The following PCOLCE2 variants were observed in gnomAD, a reference collection of about 807,000 sequenced individuals.
The protein encoded by PCOLCE2 is procollagen C-proteinase enhancer 2.
In PCOLCE2, 42 loss-of-function variants were observed where a neutral mutation model predicts 47.0. That is an observed-to-expected ratio of 0.89 (90% CI 0.70 to 1.16). PCOLCE2 has a LOEUF of 1.16. PCOLCE2 is among the 50% of genes most tolerant of loss of function. PCOLCE2 has a pLI of 0.00. For missense variants in PCOLCE2, 500 were observed against 526.1 expected (o/e 0.95, Z 0.49); for synonymous variants, 169 against 191.7 (o/e 0.88, Z 0.98).
chr3:142,838,780 T>A lies in PCOLCE2; in HGVS notation c.700A>T (p.Ser234Cys), dbSNP rs1368081860. ...ARRIGKYCGDSPPAPIVSERN... is the reference protein window; with the variant it reads ...ARRIGKYCGDCPPAPIVSERN... ...ATAGGTGCTACTTACGCAGGTGGACTATCACCACAATACTTTCCAATTCTT... is the reference window on the plus strand; with the variant it reads ...ATAGGTGCTACTTACGCAGGTGGACAATCACCACAATACTTTCCAATTCTT... The change falls in exon 5 of 9, where the codon AGT becomes TGT. Residue 234 changes from serine to cysteine, a missense_variant. Coordinates refer to ENST00000295992, the MANE Select transcript of PCOLCE2 (RefSeq NM_013363.4). 6.2e-7 allele frequency: 1 copy of A among 1,613,488 alleles called. No individual in the cohort carries two copies. The highest frequency in any genetic ancestry group is 1.7e-5 in the Admixed American group (1 of 59,972).
At chr3:142,867,996 G>A (rs1414065816) in intron 2 of PCOLCE2, among the ~76,000 whole-genome samples, 1 of 152,174 alleles carries the variant, frequency 6.6e-6, no homozygotes, top group Non-Finnish European at 1.5e-5. Flanking sequence ...AAATGAAATG[G>A]TTATAAACTC....
chr3:142,851,955 G>T (rs1366491183), intron 2 of PCOLCE2, among the ~76,000 whole-genome samples: 8 of 152,100 alleles, frequency 5.3e-5, no homozygotes, highest in Admixed American at 5.2e-4. Flanking sequence ...CAAAAGTTTT[G>T]TACCTGTTCC....
rs775437977 is a variant in PCOLCE2, at chr3:142,873,848, A to T, written c.192+13821T>A. ...AACGCAACTAGAGACATAGCAGGGG[A>T]GGACACAGGAAGAGAACATCTTTTT... On this transcript the variant is annotated intron_variant, in intron 2 of 8. Transcript: ENST00000295992. Among the ~76,000 whole-genome samples the T allele has an allele frequency of 5.2e-4, 79 of 152,352 alleles. 2 individuals carry two copies. Among genetic ancestry groups the T allele is most frequent in the Middle Eastern group, 3.4e-3 (1 of 294 alleles).
In PCOLCE2 at chr3:142,851,414, G is replaced by C. The variant is rs1282486009; in HGVS notation, c.193-2942C>G. ...GCAGTAGGGGAGAGTGGTGAGGTTT[G>C]CCAAGGGAGGATATGGCAGGAGAGA... On this transcript the variant is annotated intron_variant, in intron 2 of 8. Coordinates refer to ENST00000295992, the MANE Select transcript of PCOLCE2 (RefSeq NM_013363.4). 3.3e-5 allele frequency among the ~76,000 whole-genome samples: 5 copies of C among 152,276 alleles called. No individual in the cohort carries two copies. The East Asian group carries it at 9.7e-4, about 29-fold the overall frequency.
intron 2 of PCOLCE2, among the ~76,000 whole-genome samples, chr3:142,871,628 G>A (rs1223113644): frequency 1.3e-5 from 2 of 152,194 alleles, no homozygotes; most frequent in East Asian, 3.9e-4. Flanking sequence ...GAACAAAACT[G>A]AGGTTTCCCT....
chr3:142,823,484 G>T, intron 7 of PCOLCE2, 48 bp downstream of exon 7: 2 of 1,083,440 alleles, frequency 1.8e-6, no homozygotes, highest in Non-Finnish European at 2.8e-6. Context: ...TAAGCATGCA[G>T]CCTCAAGTTT....
At chr3:142,853,415 CATGTTATAAAG>C (rs1426296651) in intron 2 of PCOLCE2, among the ~76,000 whole-genome samples, 3 of 152,184 alleles carry the variant, frequency 2.0e-5, no homozygotes, top group African/African-American at 7.2e-5. Context: ...CCACTCACTG[CATGTTATAAAG>C]CTCAACCTCG....
At chr3:142,870,888 T>C (rs1285256994) in intron 2 of PCOLCE2, among the ~76,000 whole-genome samples, 2 of 152,280 alleles carry the variant, frequency 1.3e-5, no homozygotes, top group East Asian at 3.9e-4. Flanking sequence ...CCAATTTTTG[T>C]TACATCCTAA....
At chr3:142,823,440 CT>C in intron 7 of PCOLCE2, 91 bp downstream of exon 7, 1 of 764,682 alleles carries the variant, frequency 1.3e-6, no homozygotes, top group Non-Finnish European at 2.3e-6. Flanking sequence ...GTTATTGACC[CT>C]TCACCATAAA....
intron 6 of PCOLCE2, among the ~76,000 whole-genome samples, chr3:142,826,111 T>G (rs372337898): frequency 1.3e-5 from 2 of 151,732 alleles, no homozygotes; most frequent in East Asian, 3.9e-4. Context: ...TCCACGCCAT[T>G]CTCCTGCCTC....
intron 2 of PCOLCE2, chr3:142,864,627 T>C (rs550685985): frequency 3.3e-5 from 5 of 152,374 alleles, no homozygotes; most frequent in Admixed American, 1.3e-4. Context: ...AATATTTCCA[T>C]CACTCCAAAA....
chr3:142,858,721 T>G (rs1933119568), intron 2 of PCOLCE2, among the ~76,000 whole-genome samples: 2 of 121,294 alleles, frequency 1.6e-5, no homozygotes, highest in Admixed American at 1.6e-4. Context: ...ATACAGGATT[T>G]TGTGTGTGTG....
chr3:142,867,013 T>C (rs115042259), intron 2 of PCOLCE2, among the ~76,000 whole-genome samples: 5 of 152,304 alleles, frequency 3.3e-5, no homozygotes, highest in African/African-American at 1.2e-4. Context: ...ACCAGCCAGG[T>C]AGAAGCCACA....
intron 3 of PCOLCE2, among the ~76,000 whole-genome samples, chr3:142,847,504 C>G (rs2108196884): frequency 6.6e-6 from 1 of 152,286 alleles, no homozygotes; most frequent in East Asian, 1.9e-4. Context: ...CGCTTGGGAG[C>G]TCACTATATC....
chr3:142,825,690 C>T (rs1354431174), intron 6 of PCOLCE2, among the ~76,000 whole-genome samples: 1 of 152,144 alleles, frequency 6.6e-6, no homozygotes, highest in Non-Finnish European at 1.5e-5. Context: ...TCATTTTTCC[C>T]AACCCGTCAG....
At chr3:142,850,151 A>G (rs1351232) in intron 2 of PCOLCE2, among the ~76,000 whole-genome samples, 94,623 of 152,032 alleles carry the variant, frequency 0.62, 29,819 homozygotes, top group Non-Finnish European at 0.66. Context: ...GTCTGTTGTA[A>G]AACTTCCTGT....
intron 2 of PCOLCE2, among the ~76,000 whole-genome samples, chr3:142,850,676 G>T (rs1937380002): frequency 6.6e-6 from 1 of 152,236 alleles, no homozygotes; most frequent in Admixed American, 6.5e-5. Context: ...TGACAAAGCT[G>T]TTCTGGTGGC....
chr3:142,878,273 G>C (rs923764447), intron 2 of PCOLCE2, among the ~76,000 whole-genome samples: 1 of 152,140 alleles, frequency 6.6e-6, no homozygotes, highest in Non-Finnish European at 1.5e-5. Context: ...TTCTCTGTGG[G>C]TGTTCCATTT....
intron 2 of PCOLCE2, among the ~76,000 whole-genome samples, chr3:142,875,349 G>T (rs1254886682): frequency 1.3e-5 from 2 of 152,150 alleles, no homozygotes; most frequent in Non-Finnish European, 2.9e-5. Flanking sequence ...GGCCTAGAAA[G>T]CAGTCTGGCT....
Sources: gnomAD v4.1 joint callset for allele counts (sites outside exome capture counted in the v4.1 genomes callset) on GRCh38, gnomAD v4.1.1 for gene constraint, MANE v1.5 for transcripts, NCBI Gene and HGNC (gene_info 2026-07-23, HGNC 2026-07-21) for gene names.